The following FAF2 variants were observed in gnomAD, a reference collection of about 807,000 sequenced individuals.
FAF2 encodes Fas associated factor family member 2, also known as FAS-associated factor 2.
Under a neutral mutation model 62.3 loss-of-function variants are expected in FAF2, and 9 were observed. That is an observed-to-expected ratio of 0.14 (90% CI 0.09 to 0.25). The LOEUF (loss-of-function observed/expected upper bound fraction) is 0.25. Among genes scored for constraint, FAF2 ranks in the 10% least tolerant of loss-of-function variants. The probability of loss-of-function intolerance (pLI) is 1.00; values close to 1 mark genes in which losing one functional copy is unlikely to be tolerated. For synonymous variants in FAF2, 202 were observed against 198.0 expected, an observed-to-expected ratio of 1.02 and a Z score of -0.17; for missense variants, 368 against 556.2, an observed-to-expected ratio of 0.66 and a Z score of 3.40.
intron 10 of FAF2, 61 bp downstream of exon 10, chr5:176,500,207 T>G: frequency 2.0e-6 from 3 of 1,522,274 alleles, no homozygotes; most frequent in Non-Finnish European, 2.7e-6. Flanking sequence ...TTTGGAGCTT[T>G]TACTGACTCT....
At chr5:176,499,977 C>T in intron 9 of FAF2, 26 bp from the exon 10 acceptor site, 1 of 1,613,016 alleles carries the variant, frequency 6.2e-7, no homozygotes, top group Non-Finnish European at 8.5e-7. Context: ...GAGCTGTAGC[C>T]TCACCTTTGC....
intron 1 of FAF2, among the ~76,000 whole-genome samples, chr5:176,469,761 G>A (rs1039146505): frequency 1.1e-4 from 16 of 152,178 alleles, no homozygotes; most frequent in African/African-American, 3.9e-4. Flanking sequence ...GGAAGCAGCC[G>A]TAACATCTAT....
Position 176,479,055 on chromosome 5 carries a change from G to C in FAF2, c.64-133G>C, listed in dbSNP as rs1758747549. 4 of 719,858 alleles carry C rather than the reference G, an allele frequency of 5.6e-6. No individual in the cohort carries two copies. The South Asian group carries it at 6.2e-5, about 11-fold the overall frequency. The allele number at this position is 719,858 out of a possible 1,614,324, so 44.6% of individuals were successfully genotyped here. On this transcript the variant is annotated intron_variant, in intron 1 of 10. Transcript: ENST00000261942. The stretch of plus-strand genomic sequence containing the variant: ...CTGACTGTATAAATTCTGAATCGGT[G>C]AAGTTTTACCATACTTTAACACTCA...
chr5:176,505,967 G>A lies in FAF2; in HGVS notation c.1156-801G>A, dbSNP rs867031795. On this transcript the variant is annotated intron_variant, in intron 10 of 10. Transcript: ENST00000261942. Reference sequence around the variant, plus strand: ...GCACTTTGGGAGGCCGAGACGGGAGGATCACAAGGTCAGAAGATCGAGACC... The same window carrying A: ...GCACTTTGGGAGGCCGAGACGGGAGAATCACAAGGTCAGAAGATCGAGACC... 2.0e-4 allele frequency among the ~76,000 whole-genome samples: 31 copies of A among 152,144 alleles called. 1 individual carries two copies. The Middle Eastern group carries it at 0.01, about 50-fold the overall frequency.
At chr5:176,504,151 A>G (rs1454955917) in intron 10 of FAF2, among the ~76,000 whole-genome samples, 1 of 151,858 alleles carries the variant, frequency 6.6e-6, no homozygotes, top group Non-Finnish European at 1.5e-5. Context: ...AGTGTTAGGT[A>G]TTCTCAAGCA....
intron 10 of FAF2, among the ~76,000 whole-genome samples, chr5:176,503,834 T>C (rs1755634037): frequency 6.6e-6 from 1 of 152,120 alleles, no homozygotes; most frequent in African/African-American, 2.4e-5. Flanking sequence ...ATGTAATCTG[T>C]TTCCTGATGG....
intron 1 of FAF2, among the ~76,000 whole-genome samples, chr5:176,475,960 T>TA (rs1032308787): frequency 4.6e-5 from 7 of 151,824 alleles, no homozygotes; most frequent in African/African-American, 1.7e-4. Flanking sequence ...CATTTGAAGT[T>TA]AAAAAACCCC....
intron 5 of FAF2, among the ~76,000 whole-genome samples, chr5:176,493,704 G>T (rs1341143668): frequency 6.6e-6 from 1 of 152,086 alleles, no homozygotes; most frequent in African/African-American, 2.4e-5. Context: ...CTTTTCTGTG[G>T]TTTGTTGGGA....
intron 1 of FAF2, among the ~76,000 whole-genome samples, chr5:176,471,776 GC>G (rs1332556413): frequency 6.9e-6 from 1 of 145,898 alleles, no homozygotes; most frequent in Non-Finnish European, 1.5e-5. Flanking sequence ...AACCACCTCC[GC>G]CCCCCGGGTT....
chr5:176,465,109 T>A (rs1226624988), intron 1 of FAF2, among the ~76,000 whole-genome samples: 7 of 152,120 alleles, frequency 4.6e-5, no homozygotes, highest in South Asian at 2.1e-4. Flanking sequence ...CAGGCTGGTC[T>A]TGAACTTCAG....
rs545206391 is a variant in FAF2 at position 176,497,376 on chromosome 5, A to C, written c.839+713A>C. Reference sequence around the variant, plus strand: ...TAAGATCACTGATAAACCTACCACCACTTGAACATTGTTATAAATTTTTTT... The same window carrying C: ...TAAGATCACTGATAAACCTACCACCCCTTGAACATTGTTATAAATTTTTTT... On this transcript the variant is annotated intron_variant, in intron 8 of 10. Transcript: ENST00000261942. Among the ~76,000 whole-genome samples, 17 of 152,324 alleles carry C rather than the reference A, an allele frequency of 1.1e-4. 1 individual carries two copies. The highest frequency in any genetic ancestry group is 4.1e-4 in the African/African-American group (17 of 41,554).
chr5:176,479,733 G>A (rs867040310), intron 2 of FAF2, among the ~76,000 whole-genome samples: 2 of 150,828 alleles, frequency 1.3e-5, no homozygotes, highest in Admixed American at 6.6e-5. Flanking sequence ...GTCTCGCTCC[G>A]TCTCCCAGGC....
At chr5:176,467,719 A>C (rs1388563305) in intron 1 of FAF2, among the ~76,000 whole-genome samples, 1 of 152,254 alleles carries the variant, frequency 6.6e-6, no homozygotes, top group African/African-American at 2.4e-5. Flanking sequence ...ACTTTGACAT[A>C]ATTCTTTTCA....
At chr5:176,504,713 G>A (rs777763798) in intron 10 of FAF2, among the ~76,000 whole-genome samples, 39 of 152,118 alleles carry the variant, frequency 2.6e-4, no homozygotes, top group Non-Finnish European at 4.6e-4. Flanking sequence ...AACTGAAAAC[G>A]AGTTAGGTTG....
At position 176,496,682 on chromosome 5, in the gene FAF2, C is replaced by A. The variant is rs1179970619; in HGVS notation, c.839+19C>A. Reference sequence around the variant, plus strand: ...TAGAAAGGTACAAGGGAGTTCCCTTCTGGAACAGAGAGAGACCAGTTGTAA... The same window carrying A: ...TAGAAAGGTACAAGGGAGTTCCCTTATGGAACAGAGAGAGACCAGTTGTAA... On this transcript the variant is annotated intron_variant, in intron 8 of 10. Transcript: ENST00000261942. The A allele has an allele frequency of 1.3e-6, 2 of 1,498,694 alleles. No homozygotes were observed. Among genetic ancestry groups the A allele is most frequent in the African/African-American group, 1.4e-5 (1 of 70,320 alleles). The allele number at this position is 1,498,694 out of a possible 1,614,324, so 92.8% of individuals were successfully genotyped here.
chr5:176,492,851 G>A (rs1581072687), intron 5 of FAF2, among the ~76,000 whole-genome samples: 1 of 152,172 alleles, frequency 6.6e-6, no homozygotes, highest in South Asian at 2.1e-4. Flanking sequence ...TTGTGTTCGT[G>A]TCTAATCTCT....
intron 10 of FAF2, among the ~76,000 whole-genome samples, chr5:176,500,480 G>T (rs921134466): frequency 1.3e-5 from 2 of 152,146 alleles, no homozygotes; most frequent in Non-Finnish European, 2.9e-5. Context: ...CTGTCTTCCT[G>T]CATTGGCTTC....
intron 1 of FAF2, 24 bp downstream of exon 1, chr5:176,448,494 C>G (rs1375143765): frequency 6.3e-7 from 1 of 1,577,556 alleles, no homozygotes; most frequent in Non-Finnish European, 8.6e-7. Flanking sequence ...CTCGGTGCAG[C>G]AGATGCCTCC....
chr5:176,497,833 A>T (rs1755524291), intron 8 of FAF2, among the ~76,000 whole-genome samples: 1 of 152,182 alleles, frequency 6.6e-6, no homozygotes, highest in East Asian at 1.9e-4. Context: ...TAACATGGGG[A>T]CATGCTTGTT....
Sources: allele counts gnomAD v4.1 joint callset (sites outside exome capture counted in the v4.1 genomes callset), GRCh38; gene constraint gnomAD v4.1.1; transcripts MANE v1.5; gene names NCBI Gene and HGNC (gene_info 2026-07-23, HGNC 2026-07-21).